Variants in SLC8A1 observed in about 807,000 individuals in gnomAD.
The protein encoded by SLC8A1 is sodium/calcium exchanger 1.
SLC8A1 carries 18 observed loss-of-function variants against 68.3 expected under a neutral mutation model. That is an observed-to-expected ratio of 0.26 (90% CI 0.18 to 0.39). The LOEUF is 0.39. Ranked by LOEUF, SLC8A1 falls within the 10% of genes least tolerant of loss-of-function variation. The pLI is 1.00. For synonymous variants in SLC8A1, 475 were observed against 415.5 expected (o/e 1.14, Z -1.74); for missense variants, 985 against 1,156.7 (o/e 0.85, Z 2.15).
At chr2:40,417,709 G>A (rs542402540) in intron 2 of SLC8A1, among the ~76,000 whole-genome samples, 3 of 152,120 alleles carry the variant, frequency 2.0e-5, no homozygotes, top group Non-Finnish European at 4.4e-5. Context: ...GCCCCAAAGC[G>A]TGGGCCTTTA....
chr2:40,394,568 C>G (rs1222258040), intron 2 of SLC8A1, among the ~76,000 whole-genome samples: 2 of 151,870 alleles, frequency 1.3e-5, no homozygotes, highest in East Asian at 1.9e-4. Flanking sequence ...TTATACAGAG[C>G]ATATAGTGGA....
intron 1 of SLC8A1, among the ~76,000 whole-genome samples, chr2:40,449,125 C>T (rs1452622923): frequency 6.7e-6 from 1 of 150,266 alleles, no homozygotes; most frequent in Non-Finnish European, 1.5e-5. Context: ...AAAGAAAGAA[C>T]TTGTCTCACT....
In SLC8A1 at chr2:40,170,452, A is replaced by C. The variant is rs531863427; in HGVS notation, c.1930+4373T>G. 3.0e-5 allele frequency: 28 copies of C among 937,834 alleles called. No homozygotes were observed. In the East Asian group the frequency reaches 5.6e-4, roughly 19 times the overall value. The allele number at this position is 937,834 out of a possible 1,614,324, so 58.1% of individuals were successfully genotyped here. A position where few individuals can be genotyped will look rare whatever the true frequency, so the allele number is the denominator to read the frequency against. The stretch of plus-strand genomic sequence containing the variant: ...CTAAACATCACACCCAGATGCACAC[A>C]TCACAAGCAACGTTAGTTTGGGGAT... On this transcript the variant is annotated intron_variant, in intron 4 of 7. Transcript: ENST00000406785.
chr2:40,203,425 G>T (rs1382633681), intron 2 of SLC8A1, among the ~76,000 whole-genome samples: 1 of 151,902 alleles, frequency 6.6e-6, no homozygotes, highest in African/African-American at 2.4e-5. Flanking sequence ...TCCATTTACT[G>T]GATTTGATTG....
At chr2:40,313,704 T>C (rs1337191633) in intron 2 of SLC8A1, among the ~76,000 whole-genome samples, 1 of 152,050 alleles carries the variant, frequency 6.6e-6, no homozygotes. Flanking sequence ...TACCTGGATA[T>C]GGTCAATTTT....
chr2:40,214,049 G>C (rs531443115), intron 2 of SLC8A1, among the ~76,000 whole-genome samples: 2 of 152,198 alleles, frequency 1.3e-5, no homozygotes, highest in Non-Finnish European at 2.9e-5. Context: ...AATGATGACT[G>C]TGTGGCTGAA....
intron 2 of SLC8A1, among the ~76,000 whole-genome samples, chr2:40,381,996 G>A (rs1212395164): frequency 6.6e-6 from 1 of 152,012 alleles, no homozygotes; most frequent in Non-Finnish European, 1.5e-5. Context: ...CTCCTCGGCT[G>A]CAGCACCCAA....
intron 2 of SLC8A1, among the ~76,000 whole-genome samples, chr2:40,266,961 C>G (rs2065434347): frequency 6.6e-6 from 1 of 152,116 alleles, no homozygotes; most frequent in African/African-American, 2.4e-5. Context: ...TCCCATAGAA[C>G]TGGATGTACA....
intron 2 of SLC8A1, chr2:40,220,201 A>G (rs2058115320): frequency 1.3e-5 from 2 of 151,512 alleles, no homozygotes; most frequent in African/African-American, 4.9e-5. Flanking sequence ...AAGGAAAAGG[A>G]GAAAGACAAG....
intron 1 of SLC8A1, among the ~76,000 whole-genome samples, chr2:40,447,294 G>A (rs1701620161): frequency 6.6e-6 from 1 of 152,084 alleles, no homozygotes; most frequent in African/African-American, 2.4e-5. Context: ...CTCCTCAGAG[G>A]ACTTAAATGG....
At chr2:40,128,444 A>G (rs1175831368) in intron 7 of SLC8A1, among the ~76,000 whole-genome samples, 1 of 152,134 alleles carries the variant, frequency 6.6e-6, no homozygotes, top group Non-Finnish European at 1.5e-5. Flanking sequence ...ATGGATTTGA[A>G]TTGATTTAGG....
At chr2:40,242,196 A>G (rs964141974) in intron 2 of SLC8A1, among the ~76,000 whole-genome samples, 1 of 152,196 alleles carries the variant, frequency 6.6e-6, no homozygotes, top group South Asian at 2.1e-4. Context: ...GAATATGACA[A>G]TACTTTGGAG....
At chr2:40,214,852 A>C (rs2057206642) in intron 2 of SLC8A1, among the ~76,000 whole-genome samples, 1 of 152,150 alleles carries the variant, frequency 6.6e-6, no homozygotes, top group Non-Finnish European at 1.5e-5. Context: ...TTAATGGATA[A>C]AGGAAGGGAT....
At chr2:40,428,321 A>G (rs1462214915) in intron 2 of SLC8A1, 152 bp downstream of exon 2, 12 of 1,338,476 alleles carry the variant, frequency 9.0e-6, no homozygotes, top group Non-Finnish European at 1.2e-5. Context: ...CCAAGCAAAG[A>G]CTGATATCTT....
chr2:40,262,649 C>T (rs979349445), intron 2 of SLC8A1, among the ~76,000 whole-genome samples: 13 of 151,916 alleles, frequency 8.6e-5, no homozygotes, highest in African/African-American at 3.1e-4. Context: ...TTCTTGAGTC[C>T]CTAATTGCAC....
chr2:40,355,214 G>A (rs934148062), intron 2 of SLC8A1, among the ~76,000 whole-genome samples: 1 of 152,136 alleles, frequency 6.6e-6, no homozygotes, highest in African/African-American at 2.4e-5. Flanking sequence ...TGATAATGCT[G>A]GAAAATGCTG....
At chr2:40,491,574 G>A (rs1205788192) in intron 1 of SLC8A1, among the ~76,000 whole-genome samples, 1 of 152,088 alleles carries the variant, frequency 6.6e-6, no homozygotes, top group Non-Finnish European at 1.5e-5. Context: ...GTTTTCAAAG[G>A]GAATGCTTCC....
chr2:40,132,298 A>T (rs1019141734), intron 7 of SLC8A1, among the ~76,000 whole-genome samples: 1 of 152,178 alleles, frequency 6.6e-6, no homozygotes, highest in African/African-American at 2.4e-5. Flanking sequence ...ACTTTGGCTA[A>T]ATATGGACAA....
chr2:40,403,454 A>C (rs557657431), intron 2 of SLC8A1, among the ~76,000 whole-genome samples: 8 of 152,304 alleles, frequency 5.3e-5, no homozygotes, highest in African/African-American at 1.9e-4. Flanking sequence ...AACAGGAGCT[A>C]ATGTCTTTAT....
Sources: gnomAD v4.1 joint callset for allele counts (sites outside exome capture counted in the v4.1 genomes callset) on GRCh38, gnomAD v4.1.1 for gene constraint, MANE v1.5 for transcripts, NCBI Gene and HGNC (gene_info 2026-07-23, HGNC 2026-07-21) for gene names.